Variants in OR4K17 observed in about 807,000 individuals in gnomAD.
OR4K17 encodes the protein olfactory receptor family 4 subfamily K member 17.
For missense variants in OR4K17, 480 were observed against 366.3 expected, an observed-to-expected ratio of 1.31 and a Z score of -2.53; for synonymous variants, 157 against 132.8, an observed-to-expected ratio of 1.18 and a Z score of -1.25.
intron 1 of OR4K17, among the ~76,000 whole-genome samples, chr14:20,114,761 C>T (rs1047494376): frequency 6.6e-6 from 1 of 152,046 alleles, no homozygotes; most frequent in African/African-American, 2.4e-5. Context: ...CCAGGGATCA[C>T]TCCACCTGAT....
chr14:20,118,030 T>A lies in OR4K17; in HGVS notation c.531T>A (p.Ile177=), dbSNP rs1878051677. The change falls in exon 2 of 2, where the codon ATT becomes ATA. Residue 177 remains isoleucine, a synonymous_variant. Transcript: ENST00000641386. ...PFCGPNVVDS[I]FCDLPLVTKL... ...GTGGTCCCAATGTGGTAGACAGCAT[T>A]TTTTGTGACCTCCCTTTGGTTACTA... 3 of 1,614,060 alleles carry A rather than the reference T, an allele frequency of 1.9e-6. No homozygotes were observed. Among genetic ancestry groups the A allele is most frequent in the South Asian group, 1.1e-5 (1 of 91,082 alleles).
intron 1 of OR4K17, among the ~76,000 whole-genome samples, chr14:20,112,254 G>A (rs1322391937): frequency 6.6e-6 from 1 of 152,016 alleles, no homozygotes; most frequent in Non-Finnish European, 1.5e-5. Flanking sequence ...AGCAGCTCCA[G>A]GGTCATCTAA....
At chr14:20,111,825 G>A (rs1877889460) in intron 1 of OR4K17, 1 of 152,010 alleles carries the variant, frequency 6.6e-6, no homozygotes, top group Non-Finnish European at 1.5e-5. Flanking sequence ...AAGATTACTA[G>A]GATTCAGCTT....
In OR4K17 at chr14:20,119,846, A is replaced by G. The variant is rs925912581; in HGVS notation, c.*1408A>G. The G allele has an allele frequency of 3.3e-5, 5 of 152,170 alleles. No individual in the cohort carries two copies. Among genetic ancestry groups the G allele is most frequent in the Non-Finnish European group, 5.9e-5 (4 of 68,042 alleles). 9.4% of individuals were successfully genotyped at this position (152,170 alleles called of 1,614,324 possible). On this transcript the variant is annotated 3_prime_UTR_variant, in exon 2 of 2. Coordinates refer to ENST00000641386, the MANE Select transcript of OR4K17 (RefSeq NM_001004715.5). ...GAGTGAGAGTCCATCTTAAAATAAT[A>G]ATAATAATAGTAGCAGAGAAACAAT...
At position 20,121,500 on chromosome 14, in the gene OR4K17, TA is replaced by T. The variant is rs1410689004; in HGVS notation, c.*3066del. 1.3e-5 allele frequency: 2 copies of T among 152,152 alleles called. No homozygotes were observed. Among genetic ancestry groups the T allele is most frequent in the African/African-American group, 4.8e-5 (2 of 41,440 alleles). The allele number at this position is 152,152 out of a possible 1,614,324, so 9.4% of individuals were successfully genotyped here. ...CATAAAATGTGTGGGGGAGGTAGAA[TA>T]AAAGTGTAGACTTTTTAAATGCAAT... On this transcript the variant is annotated 3_prime_UTR_variant, in exon 2 of 2. Coordinates refer to ENST00000641386, the MANE Select transcript of OR4K17 (RefSeq NM_001004715.5).
intron 1 of OR4K17, among the ~76,000 whole-genome samples, chr14:20,113,724 G>A (rs1445291548): frequency 6.6e-6 from 1 of 151,900 alleles, no homozygotes; most frequent in Admixed American, 6.6e-5. Context: ...AACCCTGCTT[G>A]GAGTGACTAT....
chr14:20,112,335 G>A (rs1226340399), intron 1 of OR4K17, among the ~76,000 whole-genome samples: 1 of 152,022 alleles, frequency 6.6e-6, no homozygotes, highest in Non-Finnish European at 1.5e-5. Context: ...CATTTGATCA[G>A]GGAAGTAGAC....
intron 1 of OR4K17, among the ~76,000 whole-genome samples, chr14:20,116,729 G>A (rs1397617579): frequency 6.6e-6 from 1 of 152,196 alleles, no homozygotes; most frequent in Non-Finnish European, 1.5e-5. Flanking sequence ...CATAGCCCCA[G>A]AGTATTCATC....
chr14:20,115,338 T>C (rs1210806270), intron 1 of OR4K17, among the ~76,000 whole-genome samples: 2 of 152,130 alleles, frequency 1.3e-5, no homozygotes, highest in African/African-American at 4.8e-5. Context: ...TGTGGCATTA[T>C]TCAATATTTT....
chr14:20,113,997 C>T (rs774061447), intron 1 of OR4K17, among the ~76,000 whole-genome samples: 2 of 151,952 alleles, frequency 1.3e-5, no homozygotes, highest in African/African-American at 4.8e-5. Context: ...AGTGTAAAAT[C>T]CTACAATTGA....
At chr14:20,114,735 A>T (rs1441862456) in intron 1 of OR4K17, among the ~76,000 whole-genome samples, 2 of 152,022 alleles carry the variant, frequency 1.3e-5, no homozygotes, top group African/African-American at 2.4e-5. Context: ...ACAGAGTGTG[A>T]CTGAATGGTT....
In OR4K17 at chr14:20,117,647, T is replaced by C; in HGVS notation, c.148T>C (p.Phe50Leu). The change falls in exon 2 of 2, where the codon TTT becomes CTT. Residue 50 changes from phenylalanine to leucine, a missense_variant. Physicochemically the swap from Phe to Leu is conservative, Grantham distance 22. Coordinates refer to ENST00000641386, the MANE Select transcript of OR4K17 (RefSeq NM_001004715.5). ...TAACCTTCTTATTATAGTCACAGTG[T>C]TTAACACCCCTAACCTGAATACTCC... ...LGNLLIIVTVFNTPNLNTPMY... is the reference protein window; with the variant it reads ...LGNLLIIVTVLNTPNLNTPMY... 1.9e-6 allele frequency: 3 copies of C among 1,614,024 alleles called. No individual in the cohort carries two copies. Among genetic ancestry groups the C allele is most frequent in the Non-Finnish European group, 2.5e-6 (3 of 1,179,950 alleles).
intron 1 of OR4K17, chr14:20,112,077 G>A (rs1241936853): frequency 6.6e-6 from 1 of 152,018 alleles, no homozygotes. Context: ...AGAGGAGTAA[G>A]GAAAACAGTG....
chr14:20,115,741 A>T (rs1366667967), intron 1 of OR4K17, among the ~76,000 whole-genome samples: 1 of 152,064 alleles, frequency 6.6e-6, no homozygotes, highest in East Asian at 1.9e-4. Flanking sequence ...ATTAATATTA[A>T]TTTGGGGGAG....
At chr14:20,113,703 G>A (rs1176233191) in intron 1 of OR4K17, among the ~76,000 whole-genome samples, 1 of 151,896 alleles carries the variant, frequency 6.6e-6, no homozygotes, top group Non-Finnish European at 1.5e-5. Context: ...GCCTAACATT[G>A]TCTTCCAGCC....
At position 20,119,585 on chromosome 14, in the gene OR4K17, C is replaced by G. The variant is rs1197555402; in HGVS notation, c.*1147C>G. The G allele has an allele frequency of 6.6e-6, 1 of 152,496 alleles. No individual in the cohort carries two copies. The highest frequency in any genetic ancestry group is 1.5e-5 in the Non-Finnish European group (1 of 68,050). The allele number at this position is 152,496 out of a possible 1,614,324, so 9.4% of individuals were successfully genotyped here. A position where few individuals can be genotyped will look rare whatever the true frequency, so the allele number is the denominator to read the frequency against. On this transcript the variant is annotated 3_prime_UTR_variant, in exon 2 of 2. Coordinates refer to ENST00000641386, the MANE Select transcript of OR4K17 (RefSeq NM_001004715.5). The stretch of plus-strand genomic sequence containing the variant: ...CCCTCTGTTCGGGGTCCCTGACTTC[C>G]CGCAACAGAGCCAAGGCAGGTTGCC...
Position 20,118,545 on chromosome 14 carries a change from C to A in OR4K17, c.*107C>A, listed in dbSNP as rs1026288473. 9.2e-6 allele frequency: 6 copies of A among 651,744 alleles called. No homozygotes were observed. Among genetic ancestry groups the A allele is most frequent in the African/African-American group, 5.5e-5 (3 of 54,626 alleles). 40.4% of individuals were successfully genotyped at this position (651,744 alleles called of 1,614,324 possible). A position where few individuals can be genotyped will look rare whatever the true frequency, so the allele number is the denominator to read the frequency against. On this transcript the variant is annotated 3_prime_UTR_variant, in exon 2 of 2. Transcript: ENST00000641386. The stretch of plus-strand genomic sequence containing the variant: ...AGCCCCCAATATTTCAACATAGGTT[C>A]TTTTCTATTTTCCCTAAGTGTTGAC...
intron 1 of OR4K17, among the ~76,000 whole-genome samples, chr14:20,111,336 G>A (rs1372623194): frequency 6.6e-6 from 1 of 152,028 alleles, no homozygotes; most frequent in Non-Finnish European, 1.5e-5. Context: ...CATCGACTGA[G>A]TCAGTTTCTT....
intron 1 of OR4K17, among the ~76,000 whole-genome samples, chr14:20,111,145 T>C (rs1877874734): frequency 6.6e-6 from 1 of 151,982 alleles, no homozygotes; most frequent in Admixed American, 6.6e-5. Flanking sequence ...CCTCAATAAA[T>C]GATTGAATTT....
Sources: gnomAD v4.1 joint callset for allele counts (sites outside exome capture counted in the v4.1 genomes callset) on GRCh38, gnomAD v4.1.1 for gene constraint, MANE v1.5 for transcripts, NCBI Gene and HGNC (gene_info 2026-07-23, HGNC 2026-07-21) for gene names.